The following ADAMTSL1 variants were observed in gnomAD, a reference collection of about 807,000 sequenced individuals.
The protein encoded by ADAMTSL1 is ADAMTS-like protein 1.
In ADAMTSL1, 126 loss-of-function variants were observed where a neutral mutation model predicts 201.8. The ratio of observed to expected loss-of-function variants is 0.62; its 90% CI spans 0.54 to 0.72. The LOEUF (loss-of-function observed/expected upper bound fraction) is 0.72. Ranked by LOEUF, ADAMTSL1 falls within the 30% of genes least tolerant of loss-of-function variation. ADAMTSL1 has a pLI of 0.00. For synonymous variants in ADAMTSL1, 1,121 were observed against 903.4 expected (o/e 1.24, Z -4.32); for missense variants, 2,679 against 2,277.8 (o/e 1.18, Z -3.59).
intron 2 of ADAMTSL1, among the ~76,000 whole-genome samples, chr9:18,447,973 C>T (rs1356884490): frequency 6.6e-6 from 1 of 152,202 alleles, no homozygotes; most frequent in Non-Finnish European, 1.5e-5. Context: ...CTTTGGAAAA[C>T]ACTTTTCAAG....
At chr9:18,637,460 G>C (rs1239042433) in intron 6 of ADAMTSL1, among the ~76,000 whole-genome samples, 1 of 152,142 alleles carries the variant, frequency 6.6e-6, no homozygotes, top group Non-Finnish European at 1.5e-5. Flanking sequence ...ACCCATAGGA[G>C]TAGATTTAAG....
chr9:18,655,819 A>AAAAAAAAAAAAAAAAAAAAT (rs1828615141), intron 7 of ADAMTSL1, among the ~76,000 whole-genome samples: 1 of 101,044 alleles, frequency 9.9e-6, no homozygotes, highest in Non-Finnish European at 2.5e-5. Flanking sequence ...AAAAAAAAAA[A>AAAAAAAAAAAAAAAAAAAAT]AAAAAAAAAA....
intron 1 of ADAMTSL1, among the ~76,000 whole-genome samples, chr9:18,136,526 G>C (rs1826164439): frequency 6.6e-6 from 1 of 152,200 alleles, no homozygotes. Context: ...AAGTGCTTTA[G>C]TAGAGTAGGA....
intron 9 of ADAMTSL1, among the ~76,000 whole-genome samples, chr9:18,672,669 A>T (rs941306948): frequency 1.3e-5 from 2 of 152,240 alleles, no homozygotes; most frequent in African/African-American, 4.8e-5. Flanking sequence ...AGTTGACATT[A>T]CATTTGAGCA....
Position 18,770,789 on chromosome 9 carries a change from T to C in ADAMTSL1, c.2397+8T>C. ...CTCTCAGACTGGACAGAGGTATGTA[T>C]GTTCCTCCGAAGAGAATGAAAGAGA... On this transcript the variant is annotated splice_region_variant and intron_variant, in intron 17 of 28. Transcript: ENST00000380548. 6.2e-7 allele frequency: 1 copy of C among 1,612,868 alleles called. No individual in the cohort carries two copies. The highest frequency in any genetic ancestry group is 8.5e-7 in the Non-Finnish European group (1 of 1,179,260).
chr9:18,359,347 T>C (rs1225458928), intron 2 of ADAMTSL1, among the ~76,000 whole-genome samples: 1 of 152,212 alleles, frequency 6.6e-6, no homozygotes, highest in Non-Finnish European at 1.5e-5. Context: ...GTCCTAAGAA[T>C]GTTTGGCACC....
At chr9:17,946,021 G>T (rs6475192) in intron 1 of ADAMTSL1, among the ~76,000 whole-genome samples, 1 of 151,652 alleles carries the variant, frequency 6.6e-6, no homozygotes, top group African/African-American at 2.4e-5. Flanking sequence ...CTGTATGTTC[G>T]TAATTCTTTG....
chr9:18,152,402 C>A (rs1022348890), intron 1 of ADAMTSL1, among the ~76,000 whole-genome samples: 10 of 151,952 alleles, frequency 6.6e-5, no homozygotes, highest in African/African-American at 2.4e-4. Context: ...CACATAAGAG[C>A]CATGGTTCCA....
chr9:18,628,184 A>C (rs988221867), intron 5 of ADAMTSL1, among the ~76,000 whole-genome samples: 3 of 80,218 alleles, frequency 3.7e-5, no homozygotes, highest in South Asian at 4.5e-4. Flanking sequence ...AGACCAGGAC[A>C]CAAAGATTTT....
At chr9:18,652,943 A>C (rs1828387865) in intron 7 of ADAMTSL1, among the ~76,000 whole-genome samples, 1 of 152,228 alleles carries the variant, frequency 6.6e-6, no homozygotes, top group Non-Finnish European at 1.5e-5. Context: ...GTCCTAAGCC[A>C]TGTGTTCTTG....
At chr9:18,498,267 G>A (rs1822632133) in intron 1 of ADAMTSL1, among the ~76,000 whole-genome samples, 2 of 151,676 alleles carry the variant, frequency 1.3e-5, no homozygotes, top group Admixed American at 6.6e-5. Flanking sequence ...CAGAAACTAT[G>A]CTAGGTACTT....
chr9:18,608,737 T>G (rs1283026654), intron 4 of ADAMTSL1, among the ~76,000 whole-genome samples: 1 of 152,172 alleles, frequency 6.6e-6, no homozygotes, highest in Admixed American at 6.5e-5. Context: ...TCTGGAAATT[T>G]GGGGATCATT....
At chr9:18,545,216 C>T (rs537841808) in intron 3 of ADAMTSL1, among the ~76,000 whole-genome samples, 1 of 152,272 alleles carries the variant, frequency 6.6e-6, no homozygotes, top group South Asian at 2.1e-4. Context: ...CTCACCACTA[C>T]CTTGAAAATT....
intron 4 of ADAMTSL1, among the ~76,000 whole-genome samples, chr9:18,618,965 T>C (rs1046325136): frequency 6.6e-6 from 1 of 152,012 alleles, no homozygotes; most frequent in Non-Finnish European, 1.5e-5. Flanking sequence ...CACATGGAGG[T>C]ATGAAGAAAC....
chr9:18,141,817 G>A lies in ADAMTSL1; in HGVS notation c.88-22045G>A, dbSNP rs1433167579. On this transcript the variant is annotated intron_variant, in intron 1 of 29. Transcript: ENST00000680146. ...TCACCAACAGGCGTTACTGAGAAAG[G>A]AGGTACTGTGGTATTTCAAACTCAG... 3.3e-5 allele frequency among the ~76,000 whole-genome samples: 5 copies of A among 152,146 alleles called. No homozygotes were observed. The South Asian group carries it at 1.0e-3, about 32-fold the overall frequency.
intron 23 of ADAMTSL1, among the ~76,000 whole-genome samples, chr9:18,885,705 T>C (rs1004835307): frequency 6.6e-6 from 1 of 151,800 alleles, no homozygotes; most frequent in African/African-American, 2.4e-5. Flanking sequence ...CCCTTCCAAA[T>C]AGTCTGCTCC....
chr9:18,553,578 C>A (rs1456833171), intron 3 of ADAMTSL1, among the ~76,000 whole-genome samples: 2 of 151,834 alleles, frequency 1.3e-5, no homozygotes, highest in South Asian at 2.1e-4. Context: ...GGAGTATATC[C>A]TTTAGACTTT....
chr9:18,791,485 T>A (rs1235175142), intron 19 of ADAMTSL1, among the ~76,000 whole-genome samples: 2 of 151,980 alleles, frequency 1.3e-5, no homozygotes, highest in East Asian at 3.9e-4. Context: ...GACTAAACAG[T>A]TGAGTCTTAT....
chr9:18,415,989 T>G (rs1255373940), intron 2 of ADAMTSL1, among the ~76,000 whole-genome samples: 2 of 151,966 alleles, frequency 1.3e-5, no homozygotes, highest in African/African-American at 4.8e-5. Flanking sequence ...AAAAGCTTTT[T>G]CAGACATGAA....
Sources: allele counts gnomAD v4.1 joint callset (sites outside exome capture counted in the v4.1 genomes callset), GRCh38; gene constraint gnomAD v4.1.1; transcripts MANE v1.5; gene names NCBI Gene and HGNC (gene_info 2026-07-23, HGNC 2026-07-21).